Variants in CNTN3 observed in about 807,000 individuals in gnomAD.
CNTN3 encodes contactin 3, also known as contactin-3.
CNTN3 carries 60 observed loss-of-function variants against 119.1 expected under a neutral mutation model. The observed-to-expected ratio is 0.50, with a 90% CI of 0.41 to 0.62. The LOEUF is 0.62. Ranked by LOEUF, CNTN3 falls within the 20% of genes least tolerant of loss-of-function variation. CNTN3 has a pLI of 0.00. For synonymous variants in CNTN3, 450 were observed against 438.7 expected, an observed-to-expected ratio of 1.03 and a Z score of -0.32; for missense variants, 1,101 against 1,242.4, an observed-to-expected ratio of 0.89 and a Z score of 1.71.
chr3:74,429,749 A>T (rs1403369203), intron 4 of CNTN3, among the ~76,000 whole-genome samples: 1 of 152,176 alleles, frequency 6.6e-6, no homozygotes, highest in Non-Finnish European at 1.5e-5. Flanking sequence ...CCACTAAAGA[A>T]AGAGTATCTA....
chr3:74,389,201 CAATT>C (rs1440163450), intron 5 of CNTN3, among the ~76,000 whole-genome samples: 17 of 152,078 alleles, frequency 1.1e-4, no homozygotes, highest in South Asian at 6.2e-4. Flanking sequence ...TATTTAAAGA[CAATT>C]AAATCAAATC....
chr3:74,335,186 T>C (rs773579845), intron 12 of CNTN3, among the ~76,000 whole-genome samples: 15 of 152,164 alleles, frequency 9.9e-5, no homozygotes, highest in Non-Finnish European at 2.1e-4. Flanking sequence ...AAACAACAGT[T>C]ATATTATTAT....
intron 3 of CNTN3, among the ~76,000 whole-genome samples, chr3:74,493,471 G>A (rs181277413): frequency 1.1e-4 from 16 of 152,188 alleles, no homozygotes; most frequent in Admixed American, 6.6e-4. Context: ...AGAAACAAAC[G>A]TTGCATTTTA....
In CNTN3 at chr3:74,439,236, G is replaced by T. The variant is rs1001447922; in HGVS notation, c.359-14296C>A. 1.3e-4 allele frequency among the ~76,000 whole-genome samples: 20 copies of T among 152,178 alleles called. 1 individual carries two copies. The highest frequency in any genetic ancestry group is 2.9e-5 in the Non-Finnish European group (2 of 68,022). ...AATATGTACAATTAGGCTGGGTGTG[G>T]TGGCTCATGCCTGTAGTCCTAGCAC... On this transcript the variant is annotated intron_variant, in intron 4 of 22. Coordinates refer to ENST00000263665, the MANE Select transcript of CNTN3 (RefSeq NM_020872.3).
intron 5 of CNTN3, among the ~76,000 whole-genome samples, chr3:74,409,387 A>G (rs930042949): frequency 2.0e-5 from 3 of 152,190 alleles, no homozygotes; most frequent in African/African-American, 4.8e-5. Context: ...TGTTTTCATG[A>G]TCAGCATATA....
At chr3:74,477,734 G>A (rs1418952034) in intron 4 of CNTN3, among the ~76,000 whole-genome samples, 1 of 151,878 alleles carries the variant, frequency 6.6e-6, no homozygotes, top group East Asian at 1.9e-4. Flanking sequence ...GCTGGGGTGG[G>A]GGAATACCCC....
intron 2 of CNTN3, among the ~76,000 whole-genome samples, chr3:74,502,315 C>G (rs1703180113): frequency 1.3e-5 from 2 of 152,020 alleles, no homozygotes; most frequent in African/African-American, 4.8e-5. Flanking sequence ...AAAAAATTTC[C>G]TCTAAGTGGT....
chr3:74,376,424 C>T (rs1381444293), intron 5 of CNTN3, among the ~76,000 whole-genome samples: 1 of 152,162 alleles, frequency 6.6e-6, no homozygotes, highest in Non-Finnish European at 1.5e-5. Context: ...ATTAGATTCT[C>T]ATAGGAGCAC....
chr3:74,367,566 A>G (rs1382495778), intron 8 of CNTN3, among the ~76,000 whole-genome samples: 1 of 152,036 alleles, frequency 6.6e-6, no homozygotes, highest in Non-Finnish European at 1.5e-5. Context: ...TTTTGGAGAA[A>G]GGAAGGATGA....
chr3:74,374,908 T>C (rs911243029), intron 5 of CNTN3, among the ~76,000 whole-genome samples: 2 of 152,182 alleles, frequency 1.3e-5, no homozygotes, highest in Non-Finnish European at 2.9e-5. Flanking sequence ...GGACTTACAT[T>C]CTTGAACAAC....
intron 1 of CNTN3, among the ~76,000 whole-genome samples, chr3:74,549,580 T>C (rs1050891880): frequency 1.5e-4 from 23 of 152,084 alleles, no homozygotes; most frequent in African/African-American, 5.1e-4. Flanking sequence ...TTCGGTGATC[T>C]GGGGCTTGTT....
At chr3:74,530,689 T>G (rs1703680934) in intron 1 of CNTN3, among the ~76,000 whole-genome samples, 1 of 151,926 alleles carries the variant, frequency 6.6e-6, no homozygotes, top group Admixed American at 6.6e-5. Flanking sequence ...TGAGTGCCTG[T>G]GGAATGTGGT....
At chr3:74,607,961 G>A (rs978010626) in intron 1 of CNTN3, among the ~76,000 whole-genome samples, 2 of 152,294 alleles carry the variant, frequency 1.3e-5, no homozygotes, top group South Asian at 4.1e-4. Flanking sequence ...CTAGTTAACA[G>A]TAATGTACCA....
intron 3 of CNTN3, among the ~76,000 whole-genome samples, chr3:74,493,503 G>A (rs928556068): frequency 6.6e-6 from 1 of 152,118 alleles, no homozygotes; most frequent in African/African-American, 2.4e-5. Context: ...GAACCAACGC[G>A]AAAAGAACAA....
intron 5 of CNTN3, among the ~76,000 whole-genome samples, chr3:74,392,816 T>C (rs929648272): frequency 3.3e-5 from 5 of 152,136 alleles, no homozygotes; most frequent in Non-Finnish European, 4.4e-5. Flanking sequence ...TTTTTTTTTA[T>C]TTTTGAATTT....
intron 11 of CNTN3, among the ~76,000 whole-genome samples, chr3:74,360,649 C>A (rs1381283185): frequency 6.6e-6 from 1 of 152,104 alleles, no homozygotes; most frequent in Non-Finnish European, 1.5e-5. Flanking sequence ...AGAAGGGTTG[C>A]ATTCCTTCTG....
intron 13 of CNTN3, among the ~76,000 whole-genome samples, chr3:74,306,354 G>A (rs186395125): frequency 6.6e-6 from 1 of 151,960 alleles, no homozygotes; most frequent in Non-Finnish European, 1.5e-5. Context: ...ATTCTTTAGA[G>A]TATAAAATAA....
intron 5 of CNTN3, among the ~76,000 whole-genome samples, chr3:74,373,021 C>T (rs1704379051): frequency 6.6e-6 from 1 of 152,166 alleles, no homozygotes; most frequent in Non-Finnish European, 1.5e-5. Context: ...ATACAGACAT[C>T]CAGAAACATT....
intron 5 of CNTN3, 75 bp from the exon 6 acceptor site, chr3:74,371,474 T>C (rs1015404596): frequency 1.5e-5 from 16 of 1,084,902 alleles, no homozygotes; most frequent in African/African-American, 1.4e-4. Context: ...AATGTATCTA[T>C]ACAAACATCA....
Sources: gnomAD v4.1 joint callset for allele counts (sites outside exome capture counted in the v4.1 genomes callset) on GRCh38, gnomAD v4.1.1 for gene constraint, MANE v1.5 for transcripts, NCBI Gene and HGNC (gene_info 2026-07-23, HGNC 2026-07-21) for gene names.